Variants in PCDHGA10 observed in about 807,000 individuals in gnomAD.
PCDHGA10 encodes protocadherin gamma subfamily A, 10, also known as protocadherin gamma-A10.
Under a neutral mutation model 59.5 loss-of-function variants are expected in PCDHGA10, and 42 were observed. The observed-to-expected ratio is 0.71, with a 90% CI of 0.55 to 0.91. The LOEUF (loss-of-function observed/expected upper bound fraction) is 0.91. Ranked by LOEUF, PCDHGA10 falls within the 40% of genes least tolerant of loss-of-function variation. The probability of loss-of-function intolerance (pLI) is 0.00; values close to 1 mark genes in which losing one functional copy is unlikely to be tolerated. For synonymous variants in PCDHGA10, 511 were observed against 517.2 expected, an observed-to-expected ratio of 0.99 and a Z score of 0.16; for missense variants, 1,111 against 1,198.2, an observed-to-expected ratio of 0.93 and a Z score of 1.07.
At position 141,480,524 on chromosome 5, in the gene PCDHGA10, AAAG is replaced by A. The variant is rs1342230573; in HGVS notation, c.2437-14282_2437-14280del. Among the ~76,000 whole-genome samples, 4 of 127,792 alleles carry A rather than the reference AAAG, an allele frequency of 3.1e-5. No homozygotes were observed. The East Asian group carries it at 7.7e-4, about 25-fold the overall frequency. 83.8% of individuals were successfully genotyped at this position (127,792 alleles called of 152,430 possible). On this transcript the variant is annotated intron_variant, in intron 1 of 3. Transcript: ENST00000398610. Reference sequence around the variant, plus strand: ...ACATATGAGAACAACCAAAAATGACAAAGTAGAAGCACATATGAAAAGGCTAAG... The same window carrying A: ...ACATATGAGAACAACCAAAAATGACATAGAAGCACATATGAAAAGGCTAAG...
Position 141,422,468 on chromosome 5 carries a change from A to T in PCDHGA10, c.2436+6857A>T, listed in dbSNP as rs555211298. On this transcript the variant is annotated intron_variant, in intron 1 of 3. Transcript: ENST00000398610. ...ATAACAAGCAGAGTGCTGGACAGGG[A>T]GTTGGTCCAGAGCTACAATATAACG... 59 of 1,613,640 alleles carry T rather than the reference A, an allele frequency of 3.7e-5. No homozygotes were observed. In the South Asian group the frequency reaches 4.7e-4, roughly 13 times the overall value.
intron 1 of PCDHGA10, chr5:141,419,325 A>G (rs1490162008): frequency 6.2e-7 from 1 of 1,613,586 alleles, no homozygotes; most frequent in Non-Finnish European, 8.5e-7. Flanking sequence ...CGTGTCTCCT[A>G]CTCTCTCATT....
In PCDHGA10 at chr5:141,487,406, C is replaced by T; in HGVS notation, c.2437-7401C>T. The T allele has an allele frequency of 6.2e-7, 1 of 1,614,200 alleles. No individual in the cohort carries two copies. The highest frequency in any genetic ancestry group is 8.5e-7 in the Non-Finnish European group (1 of 1,180,044). ...ATCTCGAAGGAGGGAGGGGCTTCCC[C>T]CTTCCAATGGGATCCTCCGAATCCA... On this transcript the variant is annotated intron_variant, in intron 1 of 3. Coordinates refer to ENST00000398610, the MANE Select transcript of PCDHGA10 (RefSeq NM_018913.3). The surrounding 1 kb of genome is among the most constrained non-coding windows in gnomAD (Gnocchi z 5.0).
rs532087470 is a variant in PCDHGA10, at chr5:141,414,020, C to T, written c.845C>T (p.Thr282Ile). 9 of 1,612,620 alleles carry T rather than the reference C, an allele frequency of 5.6e-6. No homozygotes were observed. The East Asian group carries it at 1.8e-4, about 32-fold the overall frequency. The stretch of plus-strand genomic sequence containing the variant: ...GACGAAGGTGCCAATGGAGAAGTGA[C>T]ATATTCATTCCGAAAATTACCTGAC... Reference protein sequence around the residue: ...DRDEGANGEVTYSFRKLPDTQ... With the variant: ...DRDEGANGEVIYSFRKLPDTQ... Residue 282 changes from threonine (T) to isoleucine (I), a missense_variant, in exon 1 of 4, where the codon ACA becomes ATA. Transcript: ENST00000398610.
chr5:141,511,093 G>A lies in PCDHGA10; in HGVS notation c.2731G>A (p.Ala911Thr), dbSNP rs377350933. The change falls in exon 4 of 4, where the codon GCA (alanine) becomes ACA (threonine). Residue 911 changes from alanine to threonine, a missense_variant. Physicochemically the swap from Ala to Thr is moderately conservative, Grantham distance 58. Coordinates refer to ENST00000398610, the MANE Select transcript of PCDHGA10 (RefSeq NM_018913.3). Reference protein sequence around the residue: ...IPGSNATLTNAAGKRDGKAPA... With the variant: ...IPGSNATLTNTAGKRDGKAPA... ...AGGCAGCAATGCCACACTGACCAACGCAGCTGGCAAGCGGGATGGCAAGGC... is the reference window on the plus strand; with the variant it reads ...AGGCAGCAATGCCACACTGACCAACACAGCTGGCAAGCGGGATGGCAAGGC... 8 of 1,614,072 alleles carry A rather than the reference G, an allele frequency of 5.0e-6. No individual in the cohort carries two copies. Among genetic ancestry groups the A allele is most frequent in the African/African-American group, 4.0e-5 (3 of 74,916 alleles).
intron 1 of PCDHGA10, chr5:141,422,687 T>C: frequency 6.2e-7 from 1 of 1,604,936 alleles, no homozygotes; most frequent in Non-Finnish European, 8.5e-7. Flanking sequence ...CAGAATGCCC[T>C]GGTCACTTAC....
chr5:141,447,864 T>A (rs2098553913), intron 1 of PCDHGA10, among the ~76,000 whole-genome samples: 1 of 152,098 alleles, frequency 6.6e-6, no homozygotes, highest in Non-Finnish European at 1.5e-5. Context: ...GGTGGGTGAA[T>A]CATCTGAGGT....
In PCDHGA10 at chr5:141,489,335, G is replaced by A. The variant is rs138015049; in HGVS notation, c.2437-5472G>A. The A allele has an allele frequency of 8.2e-5, 132 of 1,607,244 alleles. No individual in the cohort carries two copies. The African/African-American group carries it at 1.5e-3, about 18-fold the overall frequency. On this transcript the variant is annotated intron_variant, in intron 1 of 3. Transcript: ENST00000398610. This position sits in a 1 kb window ranked among gnomAD's most constrained non-coding sequence, Gnocchi z 4.5. ...TGGGGCTGGGTGTCTGGGCAGCTTC[G>A]TTACTCAGTGGTGGAGGAGTCTGAG...
Position 141,485,210 on chromosome 5 carries a change from C to T in PCDHGA10, c.2437-9597C>T, listed in dbSNP as rs2099609472. 1.2e-6 allele frequency: 2 copies of T among 1,614,058 alleles called. No individual in the cohort carries two copies. The highest frequency in any genetic ancestry group is 1.3e-5 in the African/African-American group (1 of 75,046). ...GGTGAGAAGCTGGACAGAAATCTGG[C>T]GGTGGGCTACCCTTTTGTTCCTCTT... On this transcript the variant is annotated intron_variant, in intron 1 of 3. Coordinates refer to ENST00000398610, the MANE Select transcript of PCDHGA10 (RefSeq NM_018913.3). The surrounding 1 kb of genome is among the most constrained non-coding windows in gnomAD (Gnocchi z 5.7).
chr5:141,487,467 T>C lies in PCDHGA10; in HGVS notation c.2437-7340T>C. ...GATGACCCTATCAAGTTTGTTGATG[T>C]GGGAGGCCACTCTCATGGCTGTACA... On this transcript the variant is annotated intron_variant, in intron 1 of 3. Transcript: ENST00000398610. The surrounding 1 kb of genome is among the most constrained non-coding windows in gnomAD (Gnocchi z 5.0). 6.2e-7 allele frequency: 1 copy of C among 1,614,186 alleles called. No individual in the cohort carries two copies. The highest frequency in any genetic ancestry group is 8.5e-7 in the Non-Finnish European group (1 of 1,180,026).
chr5:141,440,980 C>T (rs972732898), intron 1 of PCDHGA10: 1 of 152,242 alleles, frequency 6.6e-6, no homozygotes. Context: ...GCTTCACAAC[C>T]CAGAGTACCC....
chr5:141,489,692 G>C lies in PCDHGA10; in HGVS notation c.2437-5115G>C, dbSNP rs768806028. The stretch of plus-strand genomic sequence containing the variant: ...TCAGAATCAGCAGCATCTGGGGCAC[G>C]ATTCCCACTGGACAGTGCCCAGGAT... On this transcript the variant is annotated intron_variant, in intron 1 of 3. Transcript: ENST00000398610. This position sits in a 1 kb window ranked among gnomAD's most constrained non-coding sequence, Gnocchi z 4.5. 6.2e-7 allele frequency: 1 copy of C among 1,614,128 alleles called. No individual in the cohort carries two copies. Among genetic ancestry groups the C allele is most frequent in the South Asian group, 1.1e-5 (1 of 91,080 alleles).
chr5:141,415,783 A>G, intron 1 of PCDHGA10, 172 bp downstream of exon 1: 1 of 1,344,604 alleles, frequency 7.4e-7, no homozygotes, highest in Non-Finnish European at 9.5e-7. Context: ...ACTTTCTGGT[A>G]AAATTCACCT....
At chr5:141,419,315 C>T in intron 1 of PCDHGA10, 1 of 1,613,998 alleles carries the variant, frequency 6.2e-7, no homozygotes. Flanking sequence ...GCTCAACGGC[C>T]GTGTCTCCTA....
rs2099684984 is a variant in PCDHGA10 at position 141,489,278 on chromosome 5, G to A, written c.2437-5529G>A. ...ACACTCCCACAGCTCGCTGGGAAAT[G>A]GCAAGTGCTGTGCATGTTGTCCTTG... is the stretch of plus-strand genomic sequence containing the variant. On this transcript the variant is annotated intron_variant, in intron 1 of 3. Transcript: ENST00000398610. The surrounding 1 kb of genome is among the most constrained non-coding windows in gnomAD (Gnocchi z 4.5). The A allele has an allele frequency of 6.4e-7, 1 of 1,561,298 alleles. No homozygotes were observed. The highest frequency in any genetic ancestry group is 2.2e-5 in the East Asian group (1 of 44,520).
rs773944794 is a variant in PCDHGA10 at position 141,477,003 on chromosome 5, C to T, written c.2437-17804C>T. 1.2e-6 allele frequency: 2 copies of T among 1,614,214 alleles called. No homozygotes were observed. The highest frequency in any genetic ancestry group is 8.5e-7 in the Non-Finnish European group (1 of 1,180,040). On this transcript the variant is annotated intron_variant, in intron 1 of 3. Transcript: ENST00000398610. This position sits in a 1 kb window ranked among gnomAD's most constrained non-coding sequence, Gnocchi z 4.9. ...CGCGCCGGCGTGCGGCAACTATTCG[C>T]CTTAGACCTTGTAACCGGGATGCTG...
At chr5:141,428,141 G>A (rs1314061143) in intron 1 of PCDHGA10, 1 of 1,596,618 alleles carries the variant, frequency 6.3e-7, no homozygotes, top group Non-Finnish European at 8.6e-7. Context: ...GCCTGGGGCT[G>A]CACACGGGAA....
In PCDHGA10 at chr5:141,486,049, C is replaced by T. The variant is rs766853468; in HGVS notation, c.2437-8758C>T. 1 of 1,614,206 alleles carries T rather than the reference C, an allele frequency of 6.2e-7. No homozygotes were observed. The highest frequency in any genetic ancestry group is 8.5e-7 in the Non-Finnish European group (1 of 1,180,034). ...ATACCCCTGATCGTGTAAGAAACCT[C>T]TTTAGCCTGCACCCCACTACTGGAA... On this transcript the variant is annotated intron_variant, in intron 1 of 3. Transcript: ENST00000398610. The surrounding 1 kb of genome is among the most constrained non-coding windows in gnomAD (Gnocchi z 5.0).
At chr5:141,456,695 T>C (rs1264543968) in intron 1 of PCDHGA10, among the ~76,000 whole-genome samples, 2 of 152,136 alleles carry the variant, frequency 1.3e-5, no homozygotes, top group Non-Finnish European at 2.9e-5. Flanking sequence ...CCAGGCGTGG[T>C]GGCTCGCGCC....
Sources: gnomAD v4.1 joint callset for allele counts (sites outside exome capture counted in the v4.1 genomes callset) on GRCh38, gnomAD v4.1.1 for gene constraint, Gnocchi (gnomAD v3.1) non-coding constraint, MANE v1.5 for transcripts, NCBI Gene and HGNC (gene_info 2026-07-23, HGNC 2026-07-21) for gene names.